TUBB8B: variants seen among roughly 807,000 people sequenced by gnomAD.
TUBB8B encodes the protein tubulin beta 8B.
A neutral mutation model predicts 31.9 loss-of-function variants in TUBB8B; 26 were observed. The observed-to-expected ratio is 0.81, with a 90% CI of 0.60 to 1.13. The LOEUF (loss-of-function observed/expected upper bound fraction) is 1.13. TUBB8B is among the 50% of genes most tolerant of loss of function. The pLI, the probability that TUBB8B is intolerant of heterozygous loss-of-function variation, is 0.00. For synonymous variants in TUBB8B, 173 were observed against 231.0 expected (o/e 0.75, Z 2.28); for missense variants, 467 against 586.7 (o/e 0.80, Z 2.11).
chr18:68,540 G>A, the TUBB8B span, among the ~76,000 whole-genome samples: 1 of 152,158 alleles, frequency 6.6e-6, no homozygotes, highest in South Asian at 2.1e-4. Context: ...TTCCTCCTGA[G>A]CAGATGCAGA....
At chr18:66,748 T>A in the TUBB8B span, among the ~76,000 whole-genome samples, 11 of 152,052 alleles carry the variant, frequency 7.2e-5, no homozygotes, top group African/African-American at 2.7e-4. Context: ...TTTTGGCTAT[T>A]CTGCATCCCT....
At chr18:63,324 C>A in the TUBB8B span, among the ~76,000 whole-genome samples, 2 of 151,806 alleles carry the variant, frequency 1.3e-5, no homozygotes, top group African/African-American at 4.8e-5. Flanking sequence ...AGCCCAAAAG[C>A]ACAGTAGCAA....
At chr18:65,482 C>A in the TUBB8B span, among the ~76,000 whole-genome samples, 1 of 152,122 alleles carries the variant, frequency 6.6e-6, no homozygotes, top group African/African-American at 2.4e-5. Flanking sequence ...AACCCACATA[C>A]TAATTTCAAT....
the TUBB8B span, among the ~76,000 whole-genome samples, chr18:57,261 A>G: frequency 1.3e-5 from 2 of 151,804 alleles, no homozygotes; most frequent in South Asian, 4.2e-4. Context: ...AGACAAAGCT[A>G]GTTTATTCTT....
chr18:48,794 G>A, intron 3 of TUBB8B, 146 bp downstream of exon 3: 1 of 727,044 alleles, frequency 1.4e-6, no homozygotes, highest in Non-Finnish European at 2.5e-6. Context: ...GCCCATTTAG[G>A]AGGCAGATGA....
the TUBB8B span, among the ~76,000 whole-genome samples, chr18:72,576 G>T: frequency 3.9e-5 from 6 of 152,082 alleles, no homozygotes; most frequent in Non-Finnish European, 5.9e-5. Context: ...TCGCTCTGTT[G>T]CCCAGGGCTT....
At chr18:73,078 C>T in the TUBB8B span, among the ~76,000 whole-genome samples, 29 of 152,292 alleles carry the variant, frequency 1.9e-4, no homozygotes, top group African/African-American at 7.0e-4. Context: ...GACGGCGTCT[C>T]CGCGTTCCTC....
rs779233846 is a variant in TUBB8B, at chr18:49,015, G to T, written c.202C>A (p.Leu68Met). The change falls in exon 3 of 4, where the codon CTG becomes ATG. Residue 68 changes from leucine (L) to methionine (M), a missense_variant. By Grantham distance (15) the Leu-to-Met change is conservative. Coordinates refer to ENST00000308911, the MANE Select transcript of TUBB8B (RefSeq NM_001358689.2). ...ACAGAGTCCATGGTGCCCGGCTCCA[G>T]ATCCACGAGCACAGCGCGGGGCACG... ...RYVPRAVLVD[L>M]EPGTMDSVHS... is the part of the protein sequence containing the mutation. The T allele has an allele frequency of 1.2e-6, 2 of 1,609,548 alleles. 1 individual carries two copies. The highest frequency in any genetic ancestry group is 1.7e-6 in the Non-Finnish European group (2 of 1,178,144).
the TUBB8B span, among the ~76,000 whole-genome samples, chr18:72,731 G>A: frequency 1.3e-5 from 2 of 152,086 alleles, no homozygotes; most frequent in African/African-American, 4.8e-5. Flanking sequence ...TTGGGAGGCC[G>A]AGGTGGGTGG....
In TUBB8B at chr18:48,928, C is replaced by A; in HGVS notation, c.277+12G>T. 1 of 1,542,732 alleles carries A rather than the reference C, an allele frequency of 6.5e-7. No individual in the cohort carries two copies. The highest frequency in any genetic ancestry group is 1.9e-4 in the Middle Eastern group (1 of 5,172). Reference sequence around the variant, plus strand: ...CTAAGGAGCCGCACCCCAGTCCTCGCCCGCAGCTCACCGGAAATGAAGTTG... The same window carrying A: ...CTAAGGAGCCGCACCCCAGTCCTCGACCGCAGCTCACCGGAAATGAAGTTG... On this transcript the variant is annotated intron_variant, in intron 3 of 3. Coordinates refer to ENST00000308911, the MANE Select transcript of TUBB8B (RefSeq NM_001358689.2).
upstream of TUBB8B, among the ~76,000 whole-genome samples, chr18:53,285 T>C (rs1906182541): frequency 1.3e-5 from 2 of 151,872 alleles, 1 homozygote; most frequent in Non-Finnish European, 2.9e-5. Context: ...TCAGGAATTT[T>C]GTGCATTTTA....
At chr18:67,570 T>A in the TUBB8B span, among the ~76,000 whole-genome samples, 1 of 152,150 alleles carries the variant, frequency 6.6e-6, no homozygotes, top group African/African-American at 2.4e-5. Context: ...TCTAAAATTT[T>A]AAAAAATTCT....
the TUBB8B span, among the ~76,000 whole-genome samples, chr18:64,672 C>A: frequency 4.0e-3 from 614 of 152,222 alleles, 4 homozygotes; most frequent in African/African-American, 0.014. Context: ...TTGCTATAAG[C>A]CAAGACTGCG....
At chr18:52,135 G>C (rs796566788), upstream of TUBB8B, among the ~76,000 whole-genome samples, 6 of 152,024 alleles carry the variant, frequency 3.9e-5, no homozygotes, top group African/African-American at 1.2e-4. Flanking sequence ...TGTAGGTGCT[G>C]TTCTAATGTT....
upstream of TUBB8B, among the ~76,000 whole-genome samples, chr18:51,286 G>A (rs1353354403): frequency 6.6e-6 from 1 of 151,874 alleles, no homozygotes; most frequent in Non-Finnish European, 1.5e-5. Context: ...ACATGCTTTG[G>A]CTGTGTCCCC....
Position 49,523 on chromosome 18 carries a change from C to CA in TUBB8B, c.34dup (p.Cys12LeufsTer15), listed in dbSNP as rs778202615. On this transcript the variant is annotated frameshift_variant, in exon 1 of 4. Transcript: ENST00000308911. LOFTEE classifies it high-confidence loss of function. ...AACCTTGGCGCCGATCTGGTTCCCG[C>CA]ACTGCCCGGTCTGCGTGAGCACGAT... is the stretch of plus-strand genomic sequence containing the variant. 3.2e-6 allele frequency: 3 copies of CA among 949,716 alleles called. No individual in the cohort carries two copies. Among genetic ancestry groups the CA allele is most frequent in the South Asian group, 1.5e-5 (1 of 65,314 alleles). The allele number at this position is 949,716 out of a possible 1,614,324, so 58.8% of individuals were successfully genotyped here. A position where few individuals can be genotyped will look rare whatever the true frequency, so the allele number is the denominator to read the frequency against.
At chr18:69,255 G>T in the TUBB8B span, among the ~76,000 whole-genome samples, 6 of 152,324 alleles carry the variant, frequency 3.9e-5, no homozygotes, top group South Asian at 1.2e-3. Context: ...CACTTTGCGG[G>T]GGTCTGAGGC....
the TUBB8B span, among the ~76,000 whole-genome samples, chr18:71,218 A>T: frequency 6.9e-6 from 1 of 145,960 alleles, no homozygotes; most frequent in East Asian, 2.0e-4. Context: ...GTGACAGAGC[A>T]AGACCTTCTC....
chr18:70,124 C>A, the TUBB8B span, among the ~76,000 whole-genome samples: 3 of 152,300 alleles, frequency 2.0e-5, no homozygotes, highest in Non-Finnish European at 2.9e-5. Context: ...TGCGCCACTG[C>A]ACTCCAGCTT....
Sources: allele counts gnomAD v4.1 joint callset (sites outside exome capture counted in the v4.1 genomes callset), GRCh38; gene constraint gnomAD v4.1.1; transcripts MANE v1.5; gene names NCBI Gene and HGNC (gene_info 2026-07-23, HGNC 2026-07-21).